The following F13A1 variants were observed in gnomAD, a reference collection of about 807,000 sequenced individuals.
F13A1 encodes FSF, A subunit.
A neutral mutation model predicts 80.1 loss-of-function variants in F13A1; 47 were observed. That is an observed-to-expected ratio of 0.59 (90% confidence interval 0.46 to 0.75). The LOEUF is 0.75. Ranked by LOEUF, F13A1 falls within the 30% of genes least tolerant of loss-of-function variation. F13A1 has a pLI of 0.00. For synonymous variants in F13A1, 349 were observed against 344.9 expected, an observed-to-expected ratio of 1.01 and a Z score of -0.13; for missense variants, 817 against 930.4, an observed-to-expected ratio of 0.88 and a Z score of 1.59.
chr6:6,197,945 G>A (rs536893911), intron 8 of F13A1, among the ~76,000 whole-genome samples: 18 of 84,912 alleles, frequency 2.1e-4, no homozygotes, highest in South Asian at 1.1e-3. Flanking sequence ...GCTGACTAAC[G>A]AAACAACTTA....
At chr6:6,157,985 G>A (rs1760506335) in intron 13 of F13A1, among the ~76,000 whole-genome samples, 1 of 152,174 alleles carries the variant, frequency 6.6e-6, no homozygotes, top group Non-Finnish European at 1.5e-5. Flanking sequence ...CTCACTCATA[G>A]ACATAGTTTA....
At chr6:6,293,803 G>GAGGA (rs1758270788) in intron 3 of F13A1, among the ~76,000 whole-genome samples, 1 of 108,164 alleles carries the variant, frequency 9.2e-6, no homozygotes, top group Non-Finnish European at 1.9e-5. Flanking sequence ...GGGAGGGAGG[G>GAGGA]AGGGAGGGAG....
intron 8 of F13A1, among the ~76,000 whole-genome samples, chr6:6,217,864 T>G (rs2113050424): frequency 6.6e-6 from 1 of 152,292 alleles, no homozygotes; most frequent in East Asian, 1.9e-4. Context: ...AAATGTGCTT[T>G]GAAAAAGGTT....
intron 13 of F13A1, among the ~76,000 whole-genome samples, chr6:6,158,943 C>A (rs572408411): frequency 7.0e-6 from 1 of 143,732 alleles, no homozygotes; most frequent in East Asian, 2.0e-4. Context: ...GCTCTGTTGC[C>A]CAGGCTGGAG....
chr6:6,294,738 AATTT>A (rs754939243), intron 3 of F13A1, among the ~76,000 whole-genome samples: 46 of 150,368 alleles, frequency 3.1e-4, no homozygotes, highest in African/African-American at 7.9e-4. Flanking sequence ...TTTTTTTAAA[AATTT>A]ATTTATTTAT....
At chr6:6,186,390 G>A (rs375224504) in intron 10 of F13A1, among the ~76,000 whole-genome samples, 3 of 152,144 alleles carry the variant, frequency 2.0e-5, no homozygotes, top group Admixed American at 1.3e-4. Flanking sequence ...ATCTTGAATT[G>A]ATTTTTGTAT....
chr6:6,272,885 A>G (rs186322070), intron 3 of F13A1, among the ~76,000 whole-genome samples: 4 of 152,312 alleles, frequency 2.6e-5, no homozygotes, highest in African/African-American at 9.6e-5. Flanking sequence ...AGAATAATAA[A>G]TTTTGTCATG....
At chr6:6,274,714 G>A (rs9328347) in intron 3 of F13A1, among the ~76,000 whole-genome samples, 18,333 of 152,244 alleles carry the variant, frequency 0.12, 1,300 homozygotes, top group Admixed American at 0.17. Flanking sequence ...GGGACTACTG[G>A]TCACGAGGAA....
intron 13 of F13A1, among the ~76,000 whole-genome samples, chr6:6,163,699 G>T (rs916911799): frequency 6.6e-6 from 1 of 152,172 alleles, no homozygotes; most frequent in Non-Finnish European, 1.5e-5. Context: ...TGGCTGCATT[G>T]TGTCCAGTCT....
chr6:6,212,464 G>A (rs1761636485), intron 8 of F13A1, among the ~76,000 whole-genome samples: 1 of 152,222 alleles, frequency 6.6e-6, no homozygotes, highest in Non-Finnish European at 1.5e-5. Context: ...CTGCAGCTGA[G>A]GGTCCTGTCT....
Position 6,222,007 on chromosome 6 carries a change from C to G in F13A1, c.1112+26G>C, listed in dbSNP as rs752316516. ...TAACATTACTATAATGTGACATCAG[C>G]CAATGCCATTGTCAATCAAACTCAC... On this transcript the variant is annotated intron_variant, in intron 8 of 14. Transcript: ENST00000264870. 1.9e-6 allele frequency: 3 copies of G among 1,612,194 alleles called. No homozygotes were observed. In the African/African-American group the frequency reaches 4.0e-5, roughly 22 times the overall value.
At chr6:6,285,876 C>T (rs1441844306) in intron 3 of F13A1, among the ~76,000 whole-genome samples, 3 of 152,200 alleles carry the variant, frequency 2.0e-5, no homozygotes, top group Non-Finnish European at 2.9e-5. Flanking sequence ...CTCAGGCATG[C>T]GCACTAAGAG....
chr6:6,165,531 A>G (rs1405420412), intron 13 of F13A1, among the ~76,000 whole-genome samples: 1 of 152,154 alleles, frequency 6.6e-6, no homozygotes, highest in African/African-American at 2.4e-5. Flanking sequence ...CTTCATAATT[A>G]GGTACGCACA....
At chr6:6,183,619 C>T (rs1761026645) in intron 10 of F13A1, among the ~76,000 whole-genome samples, 1 of 152,018 alleles carries the variant, frequency 6.6e-6, no homozygotes, top group Admixed American at 6.6e-5. Flanking sequence ...CTTGAGAAGC[C>T]CTGCAATACA....
chr6:6,206,734 T>A (rs1761496179), intron 8 of F13A1: 1 of 366,302 alleles, frequency 2.7e-6, no homozygotes, highest in East Asian at 7.6e-5. Context: ...GATGGCTTTC[T>A]ACATACATAA....
intron 13 of F13A1, among the ~76,000 whole-genome samples, chr6:6,161,549 T>TGA (rs1436911978): frequency 3.3e-5 from 5 of 149,528 alleles, no homozygotes; most frequent in South Asian, 4.2e-4. Context: ...TGTGTGTGTG[T>TGA]GTGAGAGAGA....
chr6:6,220,045 T>C (rs1757169246), intron 8 of F13A1, among the ~76,000 whole-genome samples: 1 of 152,186 alleles, frequency 6.6e-6, no homozygotes, highest in Admixed American at 6.5e-5. Flanking sequence ...GTCACACAGC[T>C]TGGGCAGTAG....
At chr6:6,316,364 G>A (rs1489074061) in intron 2 of F13A1, among the ~76,000 whole-genome samples, 1 of 151,370 alleles carries the variant, frequency 6.6e-6, no homozygotes. Flanking sequence ...TCATTCTACA[G>A]TCACTGGACA....
chr6:6,158,213 G>A (rs993468439), intron 13 of F13A1, among the ~76,000 whole-genome samples: 1 of 152,222 alleles, frequency 6.6e-6, no homozygotes, highest in Admixed American at 6.5e-5. Flanking sequence ...CTGAAACAGT[G>A]TCACGGACAT....
Sources: gnomAD v4.1 joint callset for allele counts (sites outside exome capture counted in the v4.1 genomes callset) on GRCh38, gnomAD v4.1.1 for gene constraint, MANE v1.5 for transcripts, NCBI Gene and HGNC (gene_info 2026-07-23, HGNC 2026-07-21) for gene names.